Variants in GNB4 observed in about 807,000 individuals in gnomAD.
GNB4 encodes guanine nucleotide-binding protein subunit beta-4.
Under a neutral mutation model 45.2 loss-of-function variants are expected in GNB4, and 28 were observed. The observed-to-expected ratio is 0.62, with a 90% CI of 0.46 to 0.85. GNB4 has a LOEUF of 0.85. Ranked by LOEUF, GNB4 falls within the 40% of genes least tolerant of loss-of-function variation. The pLI, the probability that GNB4 is intolerant of heterozygous loss-of-function variation, is 0.00. For synonymous variants in GNB4, 132 were observed against 143.7 expected (o/e 0.92, Z 0.58); for missense variants, 321 against 425.4 (o/e 0.75, Z 2.16).
the GNB4 span, among the ~76,000 whole-genome samples, chr3:179,527,790 ATGTGTGTGTGTGTG>A: frequency 2.9e-4 from 41 of 142,446 alleles, no homozygotes; most frequent in East Asian, 6.6e-3. Context: ...GTGTGTATGT[ATGTGTGTGTGTGTG>A]TGTGTGTGTG....
chr3:179,454,884 T>C (rs1447336271), upstream of GNB4, among the ~76,000 whole-genome samples: 1 of 152,214 alleles, frequency 6.6e-6, no homozygotes, highest in East Asian at 1.9e-4. Flanking sequence ...TAACAGGATC[T>C]ACAGCACAGT....
At chr3:179,511,649 C>T in the GNB4 span, among the ~76,000 whole-genome samples, 1 of 151,794 alleles carries the variant, frequency 6.6e-6, no homozygotes, top group African/African-American at 2.4e-5. Flanking sequence ...TGTAGTGGCT[C>T]ATAAGGTTAT....
At chr3:179,450,623 A>G (rs1490207079) in intron 1 of GNB4, among the ~76,000 whole-genome samples, 2 of 152,248 alleles carry the variant, frequency 1.3e-5, no homozygotes, top group Non-Finnish European at 2.9e-5. Context: ...ATAACAAAGT[A>G]TTGCTTGTAT....
At chr3:179,436,952 AAC>A (rs1715468862) in intron 1 of GNB4, among the ~76,000 whole-genome samples, 1 of 152,180 alleles carries the variant, frequency 6.6e-6, no homozygotes, top group South Asian at 2.1e-4. Flanking sequence ...CCCTTCACCT[AAC>A]TGTTATGTCC....
intron 1 of GNB4, among the ~76,000 whole-genome samples, chr3:179,429,249 A>T (rs535751758): frequency 6.6e-6 from 1 of 152,252 alleles, no homozygotes; most frequent in Admixed American, 6.5e-5. Flanking sequence ...TAAAACCCCC[A>T]AGCTCAGTGT....
chr3:179,403,159 T>C (rs1172529058), intron 9 of GNB4, among the ~76,000 whole-genome samples: 1 of 152,078 alleles, frequency 6.6e-6, no homozygotes, highest in Non-Finnish European at 1.5e-5. Flanking sequence ...ACGGCCAGCC[T>C]AGAGTAAATG....
intron 3 of GNB4, among the ~76,000 whole-genome samples, 155 bp downstream of exon 3, chr3:179,420,734 G>GTA (rs1317954556): frequency 6.6e-6 from 1 of 152,008 alleles, no homozygotes; most frequent in African/African-American, 2.4e-5. Context: ...CACTCGCACT[G>GTA]TATAGCATTT....
chr3:179,480,482 T>C, the GNB4 span, among the ~76,000 whole-genome samples: 1 of 152,112 alleles, frequency 6.6e-6, no homozygotes, highest in Non-Finnish European at 1.5e-5. Context: ...CTCTCCATCA[T>C]AAATTAGCTG....
At chr3:179,475,335 A>G in the GNB4 span, among the ~76,000 whole-genome samples, 2 of 151,558 alleles carry the variant, frequency 1.3e-5, no homozygotes, top group African/African-American at 2.4e-5. Flanking sequence ...TAGCCAGGAA[A>G]GTCTTGATCT....
intron 1 of GNB4, among the ~76,000 whole-genome samples, chr3:179,429,072 G>A (rs746222180): frequency 3.3e-5 from 5 of 152,152 alleles, no homozygotes; most frequent in African/African-American, 7.2e-5. Context: ...TCCCAGACCC[G>A]GGCCCTTCCT....
the GNB4 span, among the ~76,000 whole-genome samples, chr3:179,471,381 C>T: frequency 6.6e-6 from 1 of 152,170 alleles, no homozygotes. Context: ...AAGCCCCATT[C>T]ATGGTAAGTG....
the GNB4 span, among the ~76,000 whole-genome samples, chr3:179,483,117 G>C: frequency 1.3e-5 from 2 of 152,004 alleles, no homozygotes; most frequent in Admixed American, 1.3e-4. Flanking sequence ...CTATCTAAAG[G>C]ACAATTTAAT....
At chr3:179,465,375 G>A in the GNB4 span, 5,123 of 736,582 alleles carry the variant, frequency 7.0e-3, 35 homozygotes, top group Middle Eastern at 0.012. Context: ...AGGCCGAGGC[G>A]GGCGAATCAC....
intron 1 of GNB4, among the ~76,000 whole-genome samples, chr3:179,434,616 G>A (rs1276188269): frequency 1.3e-5 from 2 of 151,918 alleles, no homozygotes; most frequent in African/African-American, 4.8e-5. Flanking sequence ...AGACACTCAG[G>A]AGGCTGAGGC....
rs372082625 is a variant in GNB4 at position 179,426,126 on chromosome 3, G to A, written c.57+18C>T. 6.0e-5 allele frequency: 95 copies of A among 1,592,182 alleles called. No individual in the cohort carries two copies. Among genetic ancestry groups the A allele is most frequent in the Admixed American group, 5.4e-4 (30 of 55,156 alleles). On this transcript the variant is annotated intron_variant, in intron 2 of 9. Transcript: ENST00000232564. The stretch of plus-strand genomic sequence containing the variant: ...GGTACTAAATAAGTGCTAACATTTT[G>A]AAATGAAAAGGTTTTACCTGAATCT...
intron 3 of GNB4, 150 bp downstream of exon 3, chr3:179,420,739 G>C (rs1714955151): frequency 4.6e-6 from 3 of 654,362 alleles, no homozygotes; most frequent in African/African-American, 1.9e-5. Context: ...GCACTGTATA[G>C]CATTTGACAA....
chr3:179,510,377 C>T, the GNB4 span, among the ~76,000 whole-genome samples: 2 of 152,124 alleles, frequency 1.3e-5, no homozygotes, highest in Middle Eastern at 3.2e-3. Context: ...AGAAGAAAAT[C>T]TTTCTTCTTA....
At chr3:179,474,737 CTTTTTTTTTTT>C in the GNB4 span, among the ~76,000 whole-genome samples, 6 of 59,726 alleles carry the variant, frequency 1.0e-4, no homozygotes, top group Admixed American at 8.1e-4. Context: ...AGACTGGGTC[CTTTTTTTTTTT>C]TTTTTTTTTT....
chr3:179,488,655 G>C, the GNB4 span, among the ~76,000 whole-genome samples: 1 of 152,012 alleles, frequency 6.6e-6, no homozygotes, highest in African/African-American at 2.4e-5. Context: ...AGTTATAAGA[G>C]GTGATTACTT....
Sources: gnomAD v4.1 joint callset for allele counts (sites outside exome capture counted in the v4.1 genomes callset) on GRCh38, gnomAD v4.1.1 for gene constraint, MANE v1.5 for transcripts, NCBI Gene and HGNC (gene_info 2026-07-23, HGNC 2026-07-21) for gene names.